Variants in LRPPRC observed in about 807,000 individuals in gnomAD.
The protein encoded by LRPPRC is leucine-rich PPR motif-containing protein, mitochondrial.
In LRPPRC, 120 loss-of-function variants were observed where a neutral mutation model predicts 180.3. That is an observed-to-expected ratio of 0.67 (90% CI 0.57 to 0.77). The LOEUF is 0.77. Among genes scored for constraint, LRPPRC ranks in the 30% least tolerant of loss-of-function variants. LRPPRC has a pLI of 0.00. For missense variants in LRPPRC, 2,012 were observed against 1,657.2 expected, an observed-to-expected ratio of 1.21 and a Z score of -3.72; for synonymous variants, 723 against 600.0, an observed-to-expected ratio of 1.21 and a Z score of -3.00.
At position 43,963,681 on chromosome 2, in the gene LRPPRC, C is replaced by T. The variant is rs370633936; in HGVS notation, c.1395G>A (p.Met465Ile). 5.6e-6 allele frequency: 9 copies of T among 1,599,360 alleles called. No homozygotes were observed. The highest frequency in any genetic ancestry group is 5.4e-5 in the African/African-American group (4 of 74,716). ...VQGIIEILKG[M>I]QELGVHPDQE... Reference sequence around the variant, plus strand: ...GATCAGGATGTACTCCCAATTCTTGCATTCCTTTGAGGATTTCAATTATAC... The same window carrying T: ...GATCAGGATGTACTCCCAATTCTTGTATTCCTTTGAGGATTTCAATTATAC... The change falls in exon 12 of 38, where the codon ATG (methionine) becomes ATA (isoleucine). Residue 465 changes from methionine to isoleucine, a missense_variant. Transcript: ENST00000260665.
chr2:43,966,622 C>T (rs1207259256), intron 11 of LRPPRC, among the ~76,000 whole-genome samples: 1 of 151,452 alleles, frequency 6.6e-6, no homozygotes, highest in Non-Finnish European at 1.5e-5. Flanking sequence ...GTTGGCCAGG[C>T]TGGTCTCAAA....
At chr2:43,985,248 A>G (rs1674480183) in intron 1 of LRPPRC, among the ~76,000 whole-genome samples, 1 of 152,162 alleles carries the variant, frequency 6.6e-6, no homozygotes, top group Admixed American at 6.5e-5. Context: ...GTACTGAAAG[A>G]ACAGTTCCCA....
Position 43,934,747 on chromosome 2 carries a change from G to T in LRPPRC, c.2629+7C>A. On this transcript the variant is annotated splice_region_variant and intron_variant, in intron 24 of 37. Transcript: ENST00000260665. ...AAACTACATTAAGATACTAGAAAGT[G>T]ACTCACCTTTCTGAATTAGATCAGT... 1 of 1,610,680 alleles carries T rather than the reference G, an allele frequency of 6.2e-7. No homozygotes were observed. The highest frequency in any genetic ancestry group is 1.1e-5 in the South Asian group (1 of 90,954).
chr2:43,931,982 T>C (rs1672105286), intron 25 of LRPPRC, among the ~76,000 whole-genome samples: 2 of 151,832 alleles, frequency 1.3e-5, no homozygotes, highest in South Asian at 2.1e-4. Context: ...AATGTAGTAA[T>C]TGCTATAAGA....
rs750343121 is a variant in LRPPRC, at chr2:43,949,613, CGA to C, written c.1722_1723del (p.Gly576ThrfsTer11). On this transcript the variant is annotated frameshift_variant, in exon 16 of 38. Coordinates refer to ENST00000260665, the MANE Select transcript of LRPPRC (RefSeq NM_133259.4). LOFTEE classifies it high-confidence loss of function. ...AATTGAAACGCTACCCGTCGGTCCT[CGA>C]GGCTCCTGGCAATAACGTCCATCCT... The C allele has an allele frequency of 5.0e-5, 80 of 1,613,800 alleles. No homozygotes were observed. Among genetic ancestry groups the C allele is most frequent in the Non-Finnish European group, 6.8e-6 (8 of 1,179,876 alleles).
At chr2:43,888,968 T>C (rs908474098) in intron 37 of LRPPRC, among the ~76,000 whole-genome samples, 14 of 152,144 alleles carry the variant, frequency 9.2e-5, no homozygotes, top group African/African-American at 3.1e-4. Flanking sequence ...ACACGGTGTA[T>C]TGACTCAGTT....
chr2:43,919,797 T>A (rs1439177348), intron 27 of LRPPRC, among the ~76,000 whole-genome samples: 2 of 152,078 alleles, frequency 1.3e-5, no homozygotes, highest in Non-Finnish European at 2.9e-5. Flanking sequence ...GCTTTAGATG[T>A]CTTTTTTTAA....
intron 11 of LRPPRC, among the ~76,000 whole-genome samples, chr2:43,967,557 G>A (rs1673616509): frequency 6.6e-6 from 1 of 152,156 alleles, no homozygotes. Context: ...AGCCAGGCAT[G>A]GTGGCAGGCG....
intron 11 of LRPPRC, among the ~76,000 whole-genome samples, chr2:43,973,341 TAAAA>T (rs974478306): frequency 4.3e-4 from 66 of 152,066 alleles, no homozygotes; most frequent in African/African-American, 1.5e-3. Flanking sequence ...TTTAAGAACT[TAAAA>T]AAACTACGTT....
rs375218026 is a variant in LRPPRC, at chr2:43,934,324, A to G, written c.2630-28T>C. The G allele has an allele frequency of 1.3e-4, 136 of 1,086,892 alleles. 1 individual carries two copies. In the Middle Eastern group the frequency reaches 1.8e-3, roughly 15 times the overall value. 67.3% of individuals were successfully genotyped at this position (1,086,892 alleles called of 1,614,324 possible). A position where few individuals can be genotyped will look rare whatever the true frequency, so the allele number is the denominator to read the frequency against. On this transcript the variant is annotated intron_variant, in intron 24 of 37. Coordinates refer to ENST00000260665, the MANE Select transcript of LRPPRC (RefSeq NM_133259.4). ...AGGTAGGAGAGAAAAAAATATATATATTAGGAGAAAAAAAAACCCAGAAAA... is the reference window on the plus strand; with the variant it reads ...AGGTAGGAGAGAAAAAAATATATATGTTAGGAGAAAAAAAAACCCAGAAAA...
chr2:43,936,531 C>G (rs540743151), intron 23 of LRPPRC, among the ~76,000 whole-genome samples: 4 of 152,306 alleles, frequency 2.6e-5, no homozygotes, highest in African/African-American at 7.2e-5. Context: ...CCTGTTAAAG[C>G]CTTCACATTT....
chr2:43,948,732 G>GTGA (rs1464431487), intron 16 of LRPPRC, among the ~76,000 whole-genome samples: 1 of 152,120 alleles, frequency 6.6e-6, no homozygotes, highest in Non-Finnish European at 1.5e-5. Flanking sequence ...TTCAGACCGA[G>GTGA]TGACAGCTTT....
intron 27 of LRPPRC, among the ~76,000 whole-genome samples, chr2:43,924,770 AAGAAC>A (rs1158138221): frequency 3.9e-5 from 6 of 152,238 alleles, no homozygotes; most frequent in Non-Finnish European, 1.5e-5. Context: ...TTTAAATAAA[AAGAAC>A]AGAAAGACCG....
In LRPPRC at chr2:43,973,621, T is replaced by A. The variant is rs760952279; in HGVS notation, c.1355A>T (p.Glu452Val). The change falls in exon 11 of 38, where the codon GAA becomes GTA. Residue 452 changes from glutamate to valine, a missense_variant. Transcript: ENST00000260665. ...FWPLLVGRRK[E>V]KNVQGIIEIL... ...CAAAATCTAACCTTGAACATTTTTT[T>A]CCTTCCGACGTCCAACTAGCAATGG... 8.1e-6 allele frequency: 13 copies of A among 1,612,938 alleles called. No individual in the cohort carries two copies. The highest frequency in any genetic ancestry group is 1.7e-5 in the Admixed American group (1 of 60,018).
At chr2:43,896,585 G>A (rs777835289) in intron 35 of LRPPRC, 49 bp downstream of exon 35, 1 of 1,148,234 alleles carries the variant, frequency 8.7e-7, no homozygotes, top group East Asian at 2.4e-5. Flanking sequence ...ATACTTCTGA[G>A]CAAGGCACGT....
intron 11 of LRPPRC, among the ~76,000 whole-genome samples, chr2:43,966,263 T>G (rs1025707844): frequency 2.0e-5 from 3 of 151,920 alleles, no homozygotes; most frequent in East Asian, 1.9e-4. Context: ...AAAAAAAAGT[T>G]GAACTCTGTT....
chr2:43,939,486 G>C (rs1277762813), intron 23 of LRPPRC, among the ~76,000 whole-genome samples: 1 of 151,600 alleles, frequency 6.6e-6, no homozygotes, highest in African/African-American at 2.4e-5. Context: ...GGAGAAAAAA[G>C]TTTAAAAAAG....
At position 43,980,540 on chromosome 2, in the gene LRPPRC, C is replaced by G. The variant is rs1429022700; in HGVS notation, c.347-592G>C. Among the ~76,000 whole-genome samples, 5 of 96,714 alleles carry G rather than the reference C, an allele frequency of 5.2e-5. No homozygotes were observed. In the Admixed American group the frequency reaches 5.2e-4, roughly 10 times the overall value. The allele number at this position is 96,714 out of a possible 152,430, so 63.4% of individuals were successfully genotyped here. ...TGCACTCCAGCCTAGACAACAAGATCAAGACTCTGTTTCAAAAAAAAAAAA... is the reference window on the plus strand; with the variant it reads ...TGCACTCCAGCCTAGACAACAAGATGAAGACTCTGTTTCAAAAAAAAAAAA... On this transcript the variant is annotated intron_variant, in intron 2 of 37. Coordinates refer to ENST00000260665, the MANE Select transcript of LRPPRC (RefSeq NM_133259.4).
chr2:43,910,834 T>A (rs1671230037), intron 30 of LRPPRC, among the ~76,000 whole-genome samples: 1 of 152,022 alleles, frequency 6.6e-6, no homozygotes, highest in Non-Finnish European at 1.5e-5. Context: ...AATAAATAAA[T>A]AAAATTAAAA....
Sources: allele counts gnomAD v4.1 joint callset (sites outside exome capture counted in the v4.1 genomes callset), GRCh38; gene constraint gnomAD v4.1.1; transcripts MANE v1.5; gene names NCBI Gene and HGNC (gene_info 2026-07-23, HGNC 2026-07-21).